The following XDH variants were observed in gnomAD, a reference collection of about 807,000 sequenced individuals.
XDH encodes xanthine dehydrogenase, also known as xanthine dehydrogenase/oxidase.
In XDH, 138 loss-of-function variants were observed where a neutral mutation model predicts 156.1. The observed-to-expected ratio is 0.88, with a 90% CI of 0.77 to 1.02. XDH has a LOEUF of 1.02. Among genes scored for constraint, XDH ranks in the 50% least tolerant of loss-of-function variants. The pLI is 0.00. For synonymous variants in XDH, 669 were observed against 625.7 expected (o/e 1.07, Z -1.03); for missense variants, 1,849 against 1,684.9 (o/e 1.10, Z -1.71).
At position 31,366,129 on chromosome 2, in the gene XDH, C is replaced by T. The variant is rs1685910390; in HGVS notation, c.2323-20G>A. On this transcript the variant is annotated intron_variant, in intron 21 of 35. Coordinates refer to ENST00000379416, the MANE Select transcript of XDH (RefSeq NM_000379.4). ...AAAGCTCTGTGAGTGAAAGACAGAA[C>T]ATTCGCACTGAATGCATTACCTGAA... 3.1e-6 allele frequency: 5 copies of T among 1,614,198 alleles called. No homozygotes were observed. The highest frequency in any genetic ancestry group is 1.6e-4 in the Middle Eastern group (1 of 6,062).
chr2:31,410,775 C>T (rs1368165111), intron 1 of XDH, among the ~76,000 whole-genome samples: 1 of 152,068 alleles, frequency 6.6e-6, no homozygotes, highest in Non-Finnish European at 1.5e-5. Context: ...TCAGAAACAC[C>T]AATGTCATGA....
chr2:31,388,162 C>G, intron 7 of XDH, 65 bp downstream of exon 7: 1 of 1,562,178 alleles, frequency 6.4e-7, no homozygotes, highest in Non-Finnish European at 8.8e-7. Context: ...ACATGGAGCT[C>G]GTGCACTGAC....
chr2:31,335,747 A>G lies in XDH; in HGVS notation c.*211T>C. On this transcript the variant is annotated 3_prime_UTR_variant, in exon 36 of 36. Coordinates refer to ENST00000379416, the MANE Select transcript of XDH (RefSeq NM_000379.4). ...CTAATTGCATATTCACCATTTAGGCATAACAGTTTTGAATTTGCTTATCAT... is the reference window on the plus strand; with the variant it reads ...CTAATTGCATATTCACCATTTAGGCGTAACAGTTTTGAATTTGCTTATCAT... 1 of 636,522 alleles carries G rather than the reference A, an allele frequency of 1.6e-6. No homozygotes were observed. The highest frequency in any genetic ancestry group is 2.7e-5 in the East Asian group (1 of 36,550). The allele number at this position is 636,522 out of a possible 1,614,324, so 39.4% of individuals were successfully genotyped here.
intron 35 of XDH, 123 bp from the exon 36 acceptor site, chr2:31,336,131 G>T (rs1684965885): frequency 9.4e-7 from 1 of 1,062,368 alleles, no homozygotes; most frequent in African/African-American, 1.6e-5. Context: ...CACTCTGCAG[G>T]CCTAGCTGTT....
intron 13 of XDH, 114 bp downstream of exon 13, chr2:31,379,753 G>A: frequency 9.7e-7 from 1 of 1,027,928 alleles, no homozygotes; most frequent in Non-Finnish European, 1.5e-6. Context: ...AATCATCAAT[G>A]TAAAGGTTGA....
chr2:31,348,677 A>T (rs1450955093), intron 27 of XDH, among the ~76,000 whole-genome samples: 1 of 152,234 alleles, frequency 6.6e-6, no homozygotes, highest in Admixed American at 6.5e-5. Context: ...ATAGTTAAGG[A>T]AAGGTAAGAA....
At chr2:31,383,974 G>T in intron 9 of XDH, 127 bp from the exon 10 acceptor site, 2 of 869,542 alleles carry the variant, frequency 2.3e-6, no homozygotes, top group Non-Finnish European at 3.7e-6. Context: ...GCTCTCTGGT[G>T]ACTGTAGGTG....
chr2:31,367,968 A>G lies in XDH; in HGVS notation c.2190T>C (p.Val730=). 6.2e-7 allele frequency: 1 copy of G among 1,614,008 alleles called. No individual in the cohort carries two copies. Among genetic ancestry groups the G allele is most frequent in the South Asian group, 1.1e-5 (1 of 91,086 alleles). The change falls in exon 20 of 36, where the codon GTT becomes GTC. Residue 730 remains valine (V), a synonymous_variant. Coordinates refer to ENST00000379416, the MANE Select transcript of XDH (RefSeq NM_000379.4). ...GGCATGGAACAGCTCTACCTGACAC[A>G]ACATTATCTGCTTCGGAAAACCCCT... ...LKKGFSEADN[V]VSGEIYIGGQ...
At chr2:31,398,816 G>T (rs1202045958) in intron 4 of XDH, 117 bp from the exon 5 acceptor site, 1 of 1,530,328 alleles carries the variant, frequency 6.5e-7, no homozygotes, top group South Asian at 1.1e-5. Context: ...TCACTGCACA[G>T]AGTCAAGCCC....
In XDH at chr2:31,381,489, C is replaced by T. The variant is rs1572549324; in HGVS notation, c.1132+144G>A. The stretch of plus-strand genomic sequence containing the variant: ...GCTTTCCCGTCCACCAAACCAGGTA[C>T]ATTCTCCATGCTTCCCTGGATCCAA... On this transcript the variant is annotated intron_variant, in intron 12 of 35. Transcript: ENST00000379416. The T allele has an allele frequency of 3.6e-6, 3 of 841,876 alleles. No individual in the cohort carries two copies. The East Asian group carries it at 8.0e-5, about 22-fold the overall frequency. The allele number at this position is 841,876 out of a possible 1,614,324, so 52.2% of individuals were successfully genotyped here.
chr2:31,365,894 G>A (rs1426055369), intron 22 of XDH, 82 bp downstream of exon 22: 1 of 1,603,572 alleles, frequency 6.2e-7, no homozygotes. Context: ...CTAACAGGGG[G>A]AAGTCCTGAA....
chr2:31,405,751 G>T (rs1161148890), intron 2 of XDH, among the ~76,000 whole-genome samples, 156 bp downstream of exon 2: 1 of 152,042 alleles, frequency 6.6e-6, no homozygotes, highest in Non-Finnish European at 1.5e-5. Context: ...CAGATTACAG[G>T]TGCAACTAAA....
At chr2:31,409,399 C>A (rs1243735653) in intron 1 of XDH, among the ~76,000 whole-genome samples, 2 of 152,146 alleles carry the variant, frequency 1.3e-5, no homozygotes, top group African/African-American at 4.8e-5. Context: ...ATCTCATGTA[C>A]CCCATAAATA....
Position 31,335,959 on chromosome 2 carries a change from T to A in XDH, c.4001A>T (p.Ter1334LeuextTer29), listed in dbSNP as rs562124168. The A allele has an allele frequency of 6.2e-7, 1 of 1,614,224 alleles. No homozygotes were observed. Among genetic ancestry groups the A allele is most frequent in the South Asian group, 1.1e-5 (1 of 91,088 alleles). ...ENCKPWSVRV[*>L] ...AAGACTCTGCTGAGGACTCTCTCTT[T>A]AGACCCTCACAGACCAGGGTTTGCA... The change falls in exon 36 of 36, where the codon TAA (stop) becomes TTA (leucine). Residue 1334 changes from the stop codon to leucine (L), a stop_lost. Coordinates refer to ENST00000379416, the MANE Select transcript of XDH (RefSeq NM_000379.4).
intron 1 of XDH, among the ~76,000 whole-genome samples, chr2:31,410,799 G>C (rs1057142232): frequency 2.6e-5 from 4 of 152,166 alleles, no homozygotes; most frequent in Admixed American, 6.5e-5. Context: ...GAAAGCTGAG[G>C]AGCTGTTCTA....
At chr2:31,343,761 A>G (rs1258656749) in intron 31 of XDH, among the ~76,000 whole-genome samples, 1 of 147,456 alleles carries the variant, frequency 6.8e-6, no homozygotes, top group Non-Finnish European at 1.5e-5. Flanking sequence ...GGGCATATAA[A>G]TGTTTTTTGT....
intron 6 of XDH, among the ~76,000 whole-genome samples, chr2:31,390,742 G>T (rs1376758446): frequency 6.6e-6 from 1 of 152,110 alleles, no homozygotes; most frequent in Non-Finnish European, 1.5e-5. Flanking sequence ...CTTTCAATTT[G>T]CAATTCCCTA....
intron 2 of XDH, among the ~76,000 whole-genome samples, 193 bp from the exon 3 acceptor site, chr2:31,403,337 C>T (rs947314652): frequency 6.6e-6 from 1 of 152,216 alleles, no homozygotes; most frequent in African/African-American, 2.4e-5. Flanking sequence ...AGGCAGGGAA[C>T]ACGGCCATCT....
chr2:31,343,931 T>C (rs1371836558), intron 31 of XDH, among the ~76,000 whole-genome samples: 1 of 151,826 alleles, frequency 6.6e-6, no homozygotes, highest in African/African-American at 2.4e-5. Context: ...CATTCAGACA[T>C]GATATTTTAA....
Sources: allele counts gnomAD v4.1 joint callset (sites outside exome capture counted in the v4.1 genomes callset), GRCh38; gene constraint gnomAD v4.1.1; transcripts MANE v1.5; gene names NCBI Gene and HGNC (gene_info 2026-07-23, HGNC 2026-07-21).